The following AP3B1 variants were observed in gnomAD, a reference collection of about 807,000 sequenced individuals.
The protein encoded by AP3B1 is AP-3 complex subunit beta-1.
Under a neutral mutation model 132.5 loss-of-function variants are expected in AP3B1, and 61 were observed. The ratio of observed to expected loss-of-function variants is 0.46; its 90% CI spans 0.37 to 0.57. The LOEUF is 0.57. Among genes scored for constraint, AP3B1 ranks in the 20% least tolerant of loss-of-function variants. AP3B1 has a pLI of 0.00. For missense variants in AP3B1, 1,120 were observed against 1,289.4 expected, an observed-to-expected ratio of 0.87 and a Z score of 2.01; for synonymous variants, 388 against 438.3, an observed-to-expected ratio of 0.89 and a Z score of 1.43.
intron 7 of AP3B1, among the ~76,000 whole-genome samples, chr5:78,182,304 C>A (rs1419953464): frequency 6.6e-6 from 1 of 152,218 alleles, no homozygotes; most frequent in Non-Finnish European, 1.5e-5. Context: ...GTAATAGCCA[C>A]ATACATCCAA....
chr5:78,136,719 GTT>G (rs562718959), intron 15 of AP3B1, among the ~76,000 whole-genome samples: 1 of 130,508 alleles, frequency 7.7e-6, no homozygotes. Flanking sequence ...TGTACTTCTG[GTT>G]TTTTTTTTTA....
chr5:78,129,963 A>T (rs7444450), intron 15 of AP3B1, among the ~76,000 whole-genome samples: 43,614 of 151,938 alleles, frequency 0.29, 6,569 homozygotes, highest in Admixed American at 0.38. Context: ...TTTTCCCCCA[A>T]GCTGCTTATA....
intron 22 of AP3B1, among the ~76,000 whole-genome samples, chr5:78,049,654 A>C (rs1248854271): frequency 6.6e-6 from 1 of 152,196 alleles, no homozygotes; most frequent in African/African-American, 2.4e-5. Context: ...CACTACTGCC[A>C]CTGTGGCCAG....
At chr5:78,148,633 T>C (rs940378876) in intron 14 of AP3B1, among the ~76,000 whole-genome samples, 3 of 152,220 alleles carry the variant, frequency 2.0e-5, no homozygotes, top group Admixed American at 6.5e-5. Flanking sequence ...CCCCCTTCTT[T>C]ATCAAGAGTT....
In AP3B1 at chr5:78,226,796, T is replaced by A. The variant is rs143794768; in HGVS notation, c.536+576A>T. 3.3e-3 allele frequency among the ~76,000 whole-genome samples: 510 copies of A among 152,260 alleles called. 2 individuals carry two copies. The highest frequency in any genetic ancestry group is 0.012 in the African/African-American group (487 of 41,578). ...GACAATTCTATTTGGACAGTAAATT[T>A]TCCACAGAGATCAGGGCATTGTATA... On this transcript the variant is annotated intron_variant, in intron 5 of 26. Transcript: ENST00000255194.
At chr5:78,117,973 A>C (rs967402332) in intron 17 of AP3B1, among the ~76,000 whole-genome samples, 1 of 152,190 alleles carries the variant, frequency 6.6e-6, no homozygotes, top group Non-Finnish European at 1.5e-5. Flanking sequence ...TAGAGTACCT[A>C]TTTTATTGTA....
At chr5:78,119,732 A>G (rs1464596718) in intron 17 of AP3B1, among the ~76,000 whole-genome samples, 1 of 152,244 alleles carries the variant, frequency 6.6e-6, no homozygotes, top group Non-Finnish European at 1.5e-5. Context: ...CCTGAAAGTG[A>G]CGGGTAGAAT....
At position 78,048,999 on chromosome 5, in the gene AP3B1, A is replaced by C. The variant is rs1283377651; in HGVS notation, c.2578-9725T>G. Among the ~76,000 whole-genome samples, 5 of 152,198 alleles carry C rather than the reference A, an allele frequency of 3.3e-5. No individual in the cohort carries two copies. In the East Asian group the frequency reaches 9.6e-4, roughly 29 times the overall value. The stretch of plus-strand genomic sequence containing the variant: ...CAGGTAAGGCTTTTGATTAGACTGA[A>C]CCATATGTATCTGCCATATCTGTAG... On this transcript the variant is annotated intron_variant, in intron 22 of 26. Coordinates refer to ENST00000255194, the MANE Select transcript of AP3B1 (RefSeq NM_003664.5).
intron 6 of AP3B1, among the ~76,000 whole-genome samples, chr5:78,219,084 C>T (rs1319813518): frequency 6.6e-6 from 1 of 152,036 alleles, no homozygotes; most frequent in Non-Finnish European, 1.5e-5. Context: ...TAGCTATACA[C>T]TACCAATCTA....
intron 17 of AP3B1, among the ~76,000 whole-genome samples, chr5:78,120,324 C>T (rs252768): frequency 0.26 from 39,379 of 148,608 alleles, 2,834 homozygotes; most frequent in Admixed American, 0.35. Context: ...AATGACAGGA[C>T]CAAATTCACA....
At chr5:78,273,278 G>A (rs1298079956) in intron 1 of AP3B1, among the ~76,000 whole-genome samples, 3 of 152,184 alleles carry the variant, frequency 2.0e-5, no homozygotes, top group African/African-American at 7.2e-5. Flanking sequence ...GGTGACATGC[G>A]CCTGTAATCC....
At chr5:78,057,001 A>T (rs148147517) in intron 22 of AP3B1, among the ~76,000 whole-genome samples, 1 of 152,142 alleles carries the variant, frequency 6.6e-6, no homozygotes, top group East Asian at 1.9e-4. Context: ...AATAAATCCA[A>T]CTCTTCTAGA....
At chr5:78,029,781 T>A (rs1021823012) in intron 24 of AP3B1, among the ~76,000 whole-genome samples, 2 of 152,178 alleles carry the variant, frequency 1.3e-5, no homozygotes, top group African/African-American at 2.4e-5. Context: ...GGATAACAGG[T>A]ATAAGCCACC....
intron 11 of AP3B1, among the ~76,000 whole-genome samples, chr5:78,169,269 C>G (rs1743801572): frequency 6.6e-6 from 1 of 152,164 alleles, no homozygotes; most frequent in South Asian, 2.1e-4. Context: ...TTCACCTACT[C>G]TAACCCTTCG....
intron 22 of AP3B1, among the ~76,000 whole-genome samples, chr5:78,039,686 G>A (rs182674379): frequency 6.9e-4 from 104 of 151,286 alleles, no homozygotes; most frequent in African/African-American, 2.3e-3. Flanking sequence ...GCTGAGGCAG[G>A]AGAATGGCGT....
intron 20 of AP3B1, among the ~76,000 whole-genome samples, chr5:78,102,094 C>A (rs531228441): frequency 6.6e-6 from 1 of 151,892 alleles, no homozygotes; most frequent in East Asian, 1.9e-4. Flanking sequence ...TATAATTTAC[C>A]AAAAGTCTAT....
intron 15 of AP3B1, among the ~76,000 whole-genome samples, chr5:78,138,830 C>G (rs1048539213): frequency 2.0e-5 from 3 of 151,402 alleles, no homozygotes; most frequent in African/African-American, 7.3e-5. Context: ...ATTAGCCAGG[C>G]ATGGTGGCAC....
intron 24 of AP3B1, 102 bp from the exon 25 acceptor site, chr5:78,020,891 G>A (rs747919557): frequency 1.4e-4 from 128 of 926,440 alleles, no homozygotes; most frequent in Non-Finnish European, 2.0e-4. Flanking sequence ...AGCATATACA[G>A]TATAAGACCT....
In AP3B1 at chr5:78,249,585, T is replaced by C. The variant is rs535880438; in HGVS notation, c.205-8649A>G. Among the ~76,000 whole-genome samples the C allele has an allele frequency of 4.0e-3, 572 of 144,808 alleles. 1 individual carries two copies. The highest frequency in any genetic ancestry group is 0.013 in the African/African-American group (513 of 39,294). The allele number at this position is 144,808 out of a possible 152,430, so 95.0% of individuals were successfully genotyped here. A position where few individuals can be genotyped will look rare whatever the true frequency, so the allele number is the denominator to read the frequency against. ...GAATGATTTTTTTCTTTTTCTTTTT[T>C]TTTTTTTTTTTTTTTTGAGACAGAG... On this transcript the variant is annotated intron_variant, in intron 2 of 26. Coordinates refer to ENST00000255194, the MANE Select transcript of AP3B1 (RefSeq NM_003664.5).
Sources: allele counts gnomAD v4.1 joint callset (sites outside exome capture counted in the v4.1 genomes callset), GRCh38; gene constraint gnomAD v4.1.1; transcripts MANE v1.5; gene names NCBI Gene and HGNC (gene_info 2026-07-23, HGNC 2026-07-21).